Variants in RNF10 observed in about 807,000 individuals in gnomAD.
RNF10 encodes E3 ubiquitin-protein ligase RNF10.
A neutral mutation model predicts 91.4 loss-of-function variants in RNF10; 38 were observed. The observed-to-expected ratio is 0.42, with a 90% CI of 0.32 to 0.54. RNF10 has a LOEUF of 0.54. Ranked by LOEUF, RNF10 falls within the 20% of genes least tolerant of loss-of-function variation. The probability of loss-of-function intolerance (pLI) is 0.16; values close to 1 mark genes in which losing one functional copy is unlikely to be tolerated. For missense variants in RNF10, 945 were observed against 1,012.0 expected, an observed-to-expected ratio of 0.93 and a Z score of 0.90; for synonymous variants, 364 against 366.3, an observed-to-expected ratio of 0.99 and a Z score of 0.07.
intron 1 of RNF10, among the ~76,000 whole-genome samples, chr12:120,545,002 C>A: frequency 6.6e-6 from 1 of 152,154 alleles, no homozygotes. Flanking sequence ...AAGCAGAAAA[C>A]AATATATCTT....
Position 120,560,838 on chromosome 12 carries a change from G to A in RNF10, c.1080G>A (p.Lys360=), listed in dbSNP as rs139972463. 2.5e-6 allele frequency: 4 copies of A among 1,614,064 alleles called. No individual in the cohort carries two copies. The African/African-American group carries it at 5.3e-5, about 22-fold the overall frequency. The change falls in exon 7 of 17, where the codon AAG becomes AAA. Residue 360 remains lysine (K), a synonymous_variant. Transcript: ENST00000325954. The part of the protein sequence containing the change: ...VALEQQLAEE[K]HTPESCFIEA... ...TAGAGCAGCAGCTGGCAGAGGAGAA[G>A]CACACTCCCGAGTCCTGCTTTATTG...
chr12:120,536,393 C>T (rs1870804043), intron 1 of RNF10, among the ~76,000 whole-genome samples: 1 of 152,104 alleles, frequency 6.6e-6, no homozygotes, highest in Non-Finnish European at 1.5e-5. Context: ...TACTGCATAC[C>T]ATCCAGCCTG....
chr12:120,563,486 A>T lies in RNF10; in HGVS notation c.1394A>T (p.Glu465Val), dbSNP rs746454365. The change falls in exon 9 of 17, where the codon GAG becomes GTG. Residue 465 changes from glutamate (E) to valine (V), a missense_variant. Coordinates refer to ENST00000325954, the MANE Select transcript of RNF10 (RefSeq NM_014868.5). ...GAACCAGAGCCTGAGGGGTTGCCAGAGGCCTGTGATGACTTGGAGTTAGCA... is the reference window on the plus strand; with the variant it reads ...GAACCAGAGCCTGAGGGGTTGCCAGTGGCCTGTGATGACTTGGAGTTAGCA... ...VSEPEPEGLP[E>V]ACDDLELADD... is the part of the protein sequence containing the mutation. 6 of 1,614,168 alleles carry T rather than the reference A, an allele frequency of 3.7e-6. No homozygotes were observed. The highest frequency in any genetic ancestry group is 5.1e-6 in the Non-Finnish European group (6 of 1,180,032).
At position 120,563,563 on chromosome 12, in the gene RNF10, C is replaced by G; in HGVS notation, c.1471C>G (p.Pro491Ala). The G allele has an allele frequency of 6.2e-7, 1 of 1,613,766 alleles. No homozygotes were observed. The highest frequency in any genetic ancestry group is 8.5e-7 in the Non-Finnish European group (1 of 1,179,820). ...TTGCACTGAGTCCAGCCAGCAGGAA[C>G]CCATCACCAAGTCAGGCTTCACACG... is the stretch of plus-strand genomic sequence containing the variant. The part of the protein sequence containing the change: ...TICTESSQQE[P>A]ITKSGFTRLS... The change falls in exon 9 of 17, where the codon CCC (proline) becomes GCC (alanine). Residue 491 changes from proline (P) to alanine (A), a missense_variant. By Grantham distance (27) the Pro-to-Ala change is conservative (BLOSUM62 -1). Coordinates refer to ENST00000325954, the MANE Select transcript of RNF10 (RefSeq NM_014868.5).
In RNF10 at chr12:120,565,068, G is replaced by A. The variant is rs766629772; in HGVS notation, c.1666-4G>A. ...GTTGAGTATTGGTCCTTTTTCCAAT[G>A]TAGGATGTTCGACAGCGTCACAGAT... On this transcript the variant is annotated splice_region_variant and splice_polypyrimidine_tract_variant and intron_variant, in intron 10 of 16. Transcript: ENST00000325954. 5 of 1,605,246 alleles carry A rather than the reference G, an allele frequency of 3.1e-6. No homozygotes were observed. The South Asian group carries it at 5.5e-5, about 18-fold the overall frequency.
intron 1 of RNF10, among the ~76,000 whole-genome samples, chr12:120,540,188 C>A (rs1205380939): frequency 6.6e-6 from 1 of 150,960 alleles, no homozygotes; most frequent in Non-Finnish European, 1.5e-5. Context: ...GTCTCAAATT[C>A]CTGGCTTCAA....
chr12:120,572,508 AAG>A (rs1209528536), intron 14 of RNF10, among the ~76,000 whole-genome samples: 1 of 152,170 alleles, frequency 6.6e-6, no homozygotes, highest in African/African-American at 2.4e-5. Flanking sequence ...GTGAGGTGAG[AAG>A]AGAGGGGGAT....
intron 6 of RNF10, 100 bp downstream of exon 6, chr12:120,557,782 C>A: frequency 7.7e-7 from 1 of 1,305,996 alleles, no homozygotes; most frequent in Admixed American, 1.8e-5. Context: ...GGGCAGGGCA[C>A]ATCTGGCATG....
At chr12:120,574,205 C>T (rs1877063872) in intron 14 of RNF10, among the ~76,000 whole-genome samples, 1 of 152,252 alleles carries the variant, frequency 6.6e-6, no homozygotes, top group African/African-American at 2.4e-5. Context: ...ATGAAATCGG[C>T]ATCTGCCAAC....
intron 1 of RNF10, among the ~76,000 whole-genome samples, chr12:120,544,498 A>C (rs1872020472): frequency 6.6e-6 from 1 of 152,298 alleles, no homozygotes; most frequent in Admixed American, 6.5e-5. Context: ...CTCTACAAAA[A>C]ACACAAAAAT....
intron 1 of RNF10, among the ~76,000 whole-genome samples, chr12:120,536,714 A>G (rs2137116833): frequency 6.6e-6 from 1 of 152,316 alleles, no homozygotes; most frequent in Middle Eastern, 3.4e-3. Flanking sequence ...GTTCAAAGCA[A>G]TTGATAAGTA....
intron 7 of RNF10, 127 bp downstream of exon 7, chr12:120,561,013 C>G: frequency 1.1e-6 from 1 of 935,554 alleles, no homozygotes; most frequent in East Asian, 2.6e-5. Context: ...TAAGTTAGTT[C>G]CATTCCACAT....
At chr12:120,567,093 A>G in intron 13 of RNF10, 113 bp downstream of exon 13, 1 of 1,009,900 alleles carries the variant, frequency 9.9e-7, no homozygotes, top group Non-Finnish European at 1.4e-6. Context: ...CAGGGGCATA[A>G]CCTTACTTTG....
At position 120,552,661 on chromosome 12, in the gene RNF10, C is replaced by T; in HGVS notation, c.517C>T (p.His173Tyr). The T allele has an allele frequency of 6.2e-7, 1 of 1,614,094 alleles. No individual in the cohort carries two copies. The highest frequency in any genetic ancestry group is 8.5e-7 in the Non-Finnish European group (1 of 1,180,014). ...CTGGGGAAAGAGGAACAAGTGGGGA[C>T]ATAAGCCTTTTAACAAGGAACTCTT... ...GSWGKRNKWG[H>Y]KPFNKELFLQ... The change falls in exon 3 of 17, where the codon CAT becomes TAT. Residue 173 changes from histidine (H) to tyrosine (Y), a missense_variant. Transcript: ENST00000325954.
chr12:120,539,292 A>G (rs1370720331), intron 1 of RNF10: 19 of 696,126 alleles, frequency 2.7e-5, no homozygotes, highest in Non-Finnish European at 4.2e-5. Context: ...AGCTTTGTAT[A>G]ATCACACTTA....
chr12:120,559,465 A>C lies in RNF10; in HGVS notation c.968-1261A>C, dbSNP rs368945993. ...AGTGGTGCAATCCCGGCTCACTGCA[A>C]TCTCCGCCTCCCAGGTTCAAGAGAT... On this transcript the variant is annotated intron_variant, in intron 6 of 16. Coordinates refer to ENST00000325954, the MANE Select transcript of RNF10 (RefSeq NM_014868.5). Among the ~76,000 whole-genome samples the C allele has an allele frequency of 1.9e-4, 29 of 152,010 alleles. No homozygotes were observed. In the South Asian group the frequency reaches 3.1e-3, roughly 16 times the overall value.
At position 120,534,818 on chromosome 12, in the gene RNF10, C is replaced by G. The variant is rs751484804; in HGVS notation, c.7C>G (p.Leu3Val). Residue 3 changes from leucine to valine, a missense_variant, in exon 1 of 17, where the codon CTG becomes GTG. Transcript: ENST00000325954. MP[L>V]SSPNAAATAS... ...GCCGCCGAGGCCCCCGTTGATGCCG[C>G]TGAGCTCCCCCAACGCCGCCGCCAC... 13 of 1,582,824 alleles carry G rather than the reference C, an allele frequency of 8.2e-6. No homozygotes were observed. The highest frequency in any genetic ancestry group is 1.3e-5 in the African/African-American group (1 of 74,184).
At chr12:120,559,679 C>T (rs576495391) in intron 6 of RNF10, among the ~76,000 whole-genome samples, 40 of 150,734 alleles carry the variant, frequency 2.7e-4, no homozygotes, top group African/African-American at 8.5e-4. Flanking sequence ...CACCGTACTC[C>T]GCCTGGTGTT....
At chr12:120,546,319 C>G in intron 1 of RNF10, 86 bp from the exon 2 acceptor site, 7 of 1,285,400 alleles carry the variant, frequency 5.4e-6, no homozygotes, top group Non-Finnish European at 7.6e-6. Flanking sequence ...CCTATTCACC[C>G]TTATTTTTTG....
Sources: allele counts gnomAD v4.1 joint callset (sites outside exome capture counted in the v4.1 genomes callset), GRCh38; gene constraint gnomAD v4.1.1; transcripts MANE v1.5; gene names NCBI Gene and HGNC (gene_info 2026-07-23, HGNC 2026-07-21).